Variants in STK32B observed in about 807,000 individuals in gnomAD.
The protein encoded by STK32B is serine/threonine-protein kinase 32B.
A neutral mutation model predicts 52.6 loss-of-function variants in STK32B; 43 were observed. The observed-to-expected ratio is 0.82, with a 90% CI of 0.64 to 1.05. The LOEUF (loss-of-function observed/expected upper bound fraction) is 1.05, where lower values mean the gene tolerates loss of function less well. Ranked by LOEUF, STK32B falls within the 50% of genes least tolerant of loss-of-function variation. STK32B has a pLI of 0.00. For synonymous variants in STK32B, 238 were observed against 204.3 expected (o/e 1.17, Z -1.41); for missense variants, 621 against 534.6 (o/e 1.16, Z -1.59).
chr4:5,058,520 G>C lies in STK32B; in HGVS notation c.52+6605G>C, dbSNP rs1246846385. ...CTCACTGCTAGCCAGCCTGCACTGA[G>C]ACATGGCATGAGTGGGACAGACTCT... is the stretch of plus-strand genomic sequence containing the variant. On this transcript the variant is annotated intron_variant, in intron 1 of 11. Coordinates refer to ENST00000282908, the MANE Select transcript of STK32B (RefSeq NM_018401.3). This position sits in a 1 kb window ranked among gnomAD's most constrained non-coding sequence, Gnocchi z 4.8. 6.6e-6 allele frequency among the ~76,000 whole-genome samples: 1 copy of C among 152,176 alleles called. No individual in the cohort carries two copies. The highest frequency in any genetic ancestry group is 1.5e-5 in the Non-Finnish European group (1 of 68,034).
intron 2 of STK32B, among the ~76,000 whole-genome samples, chr4:5,167,654 A>G (rs1412542940): frequency 1.3e-5 from 2 of 152,234 alleles, no homozygotes; most frequent in African/African-American, 4.8e-5. Flanking sequence ...TCCGGGAGCC[A>G]GTGTAAACAC....
chr4:5,444,508 C>G (rs951656180), intron 6 of STK32B, among the ~76,000 whole-genome samples: 3 of 152,184 alleles, frequency 2.0e-5, no homozygotes, highest in Admixed American at 6.5e-5. Context: ...GTCTGGCACT[C>G]CCTAGTGAGA....
chr4:5,158,020 A>G (rs931616578), intron 2 of STK32B, among the ~76,000 whole-genome samples: 1 of 152,168 alleles, frequency 6.6e-6, no homozygotes, highest in Non-Finnish European at 1.5e-5. Flanking sequence ...CTTGAGGCAT[A>G]CTTTGGAGGA....
Position 5,122,548 on chromosome 4 carries a change from CTCACTCAT to C in STK32B, c.53-17349_53-17342del, listed in dbSNP as rs553301344. Among the ~76,000 whole-genome samples, 1,004 of 150,062 alleles carry C rather than the reference CTCACTCAT, an allele frequency of 6.7e-3. 11 individuals are homozygous for C. The highest frequency in any genetic ancestry group is 0.024 in the African/African-American group (940 of 39,508). ...GCTCCTTCGTTCACTCATTCTTTTA[CTCACTCAT>C]TCACTCACTCACTTGCTCATTCACT... On this transcript the variant is annotated intron_variant, in intron 1 of 11. Transcript: ENST00000282908.
At chr4:5,491,641 G>A (rs1442703227) in intron 11 of STK32B, among the ~76,000 whole-genome samples, 2 of 152,026 alleles carry the variant, frequency 1.3e-5, no homozygotes, top group African/African-American at 4.8e-5. Context: ...TTTTAGACAT[G>A]AAGTCCTTGC....
At chr4:5,298,995 A>C (rs562977593) in intron 3 of STK32B, among the ~76,000 whole-genome samples, 8 of 152,198 alleles carry the variant, frequency 5.3e-5, no homozygotes, top group African/African-American at 1.9e-4. Context: ...TCTGGGCCAG[A>C]TAGCACTGTC....
Position 5,386,969 on chromosome 4 carries a change from G to T in STK32B, c.435-11238G>T, listed in dbSNP as rs1736294949. Among the ~76,000 whole-genome samples, 2 of 152,204 alleles carry T rather than the reference G, an allele frequency of 1.3e-5. 1 individual carries two copies. The highest frequency in any genetic ancestry group is 4.8e-5 in the African/African-American group (2 of 41,452). ...CTCGAAGAGTCGCAGCATCTCACAG[G>T]CCCAGCCACTTGGAGCCCGCTGGGA... On this transcript the variant is annotated intron_variant, in intron 4 of 11. Transcript: ENST00000282908. The surrounding 1 kb of genome is among the most constrained non-coding windows in gnomAD (Gnocchi z 4.5).
chr4:5,316,995 TATA>T (rs1295827151), intron 3 of STK32B, among the ~76,000 whole-genome samples: 2 of 27,472 alleles, frequency 7.3e-5, no homozygotes, highest in Non-Finnish European at 1.0e-4. Flanking sequence ...ATATATATGA[TATA>T]ATATATAATA....
chr4:5,366,390 A>G (rs1734879364), intron 4 of STK32B, among the ~76,000 whole-genome samples: 1 of 152,212 alleles, frequency 6.6e-6, no homozygotes, highest in Non-Finnish European at 1.5e-5. Context: ...AATATTTATG[A>G]AGTAAAGCTT....
At chr4:5,356,711 A>G (rs540418507) in intron 4 of STK32B, among the ~76,000 whole-genome samples, 87 of 152,252 alleles carry the variant, frequency 5.7e-4, no homozygotes, top group Non-Finnish European at 1.1e-3. Context: ...TAATAAGTGT[A>G]TATTGCTGGG....
chr4:5,059,569 T>C (rs941500483), intron 1 of STK32B, among the ~76,000 whole-genome samples: 8 of 152,256 alleles, frequency 5.3e-5, no homozygotes, highest in Admixed American at 3.9e-4. Flanking sequence ...CACTTCATCA[T>C]GATGTGATAT....
chr4:5,393,785 A>G (rs1736720984), intron 4 of STK32B, among the ~76,000 whole-genome samples: 3 of 152,150 alleles, frequency 2.0e-5, no homozygotes. Context: ...GGGCGGGAAC[A>G]CAGATCCAAA....
intron 1 of STK32B, among the ~76,000 whole-genome samples, chr4:5,091,984 A>T (rs192589824): frequency 1.5e-3 from 229 of 152,346 alleles, no homozygotes; most frequent in African/African-American, 5.3e-3. Flanking sequence ...ATTTATATGG[A>T]CTGTCTAGAA....
chr4:5,050,186 T>C (rs1741708777), upstream of STK32B, among the ~76,000 whole-genome samples: 1 of 152,204 alleles, frequency 6.6e-6, no homozygotes, highest in South Asian at 2.1e-4. Context: ...GCAAGAAATA[T>C]TTATTCATCA....
intron 1 of STK32B, among the ~76,000 whole-genome samples, chr4:5,088,185 T>G (rs1712843040): frequency 6.6e-6 from 1 of 152,062 alleles, no homozygotes. Context: ...AGCACATTCC[T>G]AAATAACCAA....
intron 6 of STK32B, chr4:5,436,699 C>G: frequency 1.0e-6 from 1 of 977,786 alleles, no homozygotes; most frequent in Non-Finnish European, 1.2e-6. Context: ...GCAGAATTGG[C>G]AGCTGAATAT....
At chr4:5,311,349 G>A (rs1390226269) in intron 3 of STK32B, among the ~76,000 whole-genome samples, 3 of 151,978 alleles carry the variant, frequency 2.0e-5, no homozygotes, top group Non-Finnish European at 2.9e-5. Context: ...TCGTAAATAC[G>A]TACAATTACT....
chr4:5,204,800 C>T (rs1367159467), intron 3 of STK32B, among the ~76,000 whole-genome samples: 1 of 152,112 alleles, frequency 6.6e-6, no homozygotes, highest in Admixed American at 6.6e-5. Flanking sequence ...ATAGTCTCAG[C>T]TCTGGTTCTT....
At chr4:5,472,057 A>C (rs1274379466) in intron 11 of STK32B, among the ~76,000 whole-genome samples, 1 of 152,184 alleles carries the variant, frequency 6.6e-6, no homozygotes, top group East Asian at 1.9e-4. Flanking sequence ...ACTGTGGTAG[A>C]GCACCCATCA....
Sources: allele counts gnomAD v4.1 joint callset (sites outside exome capture counted in the v4.1 genomes callset), GRCh38; gene constraint gnomAD v4.1.1; non-coding constraint Gnocchi (gnomAD v3.1); transcripts MANE v1.5; gene names NCBI Gene and HGNC (gene_info 2026-07-23, HGNC 2026-07-21).